Variants in GSG1L observed in about 807,000 individuals in gnomAD.
The protein encoded by GSG1L is GSG1 like, also known as germ cell-specific gene 1-like protein.
In GSG1L, 24 loss-of-function variants were observed where a neutral mutation model predicts 42.1. The ratio of observed to expected loss-of-function variants is 0.57; its 90% CI spans 0.41 to 0.80. The LOEUF (loss-of-function observed/expected upper bound fraction) is 0.80. Ranked by LOEUF, GSG1L falls within the 30% of genes least tolerant of loss-of-function variation. The probability of loss-of-function intolerance (pLI) is 0.00; values close to 1 mark genes in which losing one functional copy is unlikely to be tolerated. For synonymous variants in GSG1L, 215 were observed against 203.5 expected (o/e 1.06, Z -0.48); for missense variants, 445 against 472.2 (o/e 0.94, Z 0.53).
At chr16:27,986,098 C>A (rs928559216) in intron 1 of GSG1L, among the ~76,000 whole-genome samples, 7 of 152,150 alleles carry the variant, frequency 4.6e-5, no homozygotes, top group African/African-American at 1.7e-4. Context: ...TGTGCCATGG[C>A]TGACAAGTCA....
At chr16:27,901,210 G>A (rs965404240) in intron 2 of GSG1L, among the ~76,000 whole-genome samples, 4 of 152,148 alleles carry the variant, frequency 2.6e-5, no homozygotes, top group Non-Finnish European at 5.9e-5. Context: ...TCTAGTGCAC[G>A]TCTAATAACT....
intron 2 of GSG1L, among the ~76,000 whole-genome samples, chr16:27,929,332 G>A (rs1013616792): frequency 2.0e-5 from 3 of 152,142 alleles, no homozygotes; most frequent in Non-Finnish European, 4.4e-5. Flanking sequence ...CCCGGGGATG[G>A]TCACACAACC....
chr16:27,873,874 T>C (rs1029853266), intron 3 of GSG1L, among the ~76,000 whole-genome samples: 1 of 152,140 alleles, frequency 6.6e-6, no homozygotes, highest in Admixed American at 6.5e-5. Flanking sequence ...CTGTAGCATC[T>C]AAAACACACA....
chr16:28,054,644 T>A (rs1384641546), intron 1 of GSG1L, among the ~76,000 whole-genome samples: 4 of 150,914 alleles, frequency 2.7e-5, no homozygotes, highest in Non-Finnish European at 4.4e-5. Flanking sequence ...ATAATAATAA[T>A]AAAATAAAAT....
At chr16:27,845,389 A>G (rs959838048) in intron 3 of GSG1L, among the ~76,000 whole-genome samples, 5 of 152,028 alleles carry the variant, frequency 3.3e-5, no homozygotes, top group African/African-American at 1.2e-4. Context: ...CCACTATGAC[A>G]GGCCAATTTT....
At chr16:27,814,616 C>T (rs972181200) in intron 5 of GSG1L, among the ~76,000 whole-genome samples, 16 of 142,084 alleles carry the variant, frequency 1.1e-4, no homozygotes, top group Admixed American at 3.0e-4. Flanking sequence ...ACCCAGGAGG[C>T]GGAGGTTGCA....
At chr16:27,864,055 A>G (rs1320739614) in intron 3 of GSG1L, among the ~76,000 whole-genome samples, 1 of 152,232 alleles carries the variant, frequency 6.6e-6, no homozygotes, top group Non-Finnish European at 1.5e-5. Context: ...ATTCTCTGGC[A>G]GATTCCCTCC....
intron 3 of GSG1L, among the ~76,000 whole-genome samples, chr16:27,874,750 G>C (rs1741005894): frequency 6.6e-6 from 1 of 152,134 alleles, no homozygotes; most frequent in Non-Finnish European, 1.5e-5. Flanking sequence ...CCTTTGTCTG[G>C]TCTTGATCTG....
At chr16:27,791,536 C>T in intron 6 of GSG1L, 69 bp from the exon 7 acceptor site, 2 of 1,015,598 alleles carry the variant, frequency 2.0e-6, no homozygotes, top group Non-Finnish European at 2.7e-6. Context: ...TACCCACCGC[C>T]CCCCACCCAC....
In GSG1L at chr16:27,902,566, A is replaced by AG. The variant is rs1008554192; in HGVS notation, c.398-17929dup. ...CAAGCTTCAGAGCAAGGGGAGGGAG[A>AG]GGGGGGGCCGCTGGTGCAGGAGGCT... On this transcript the variant is annotated intron_variant, in intron 2 of 6. Transcript: ENST00000447459. Among the ~76,000 whole-genome samples, 35 of 148,934 alleles carry AG rather than the reference A, an allele frequency of 2.4e-4. No homozygotes were observed. The East Asian group carries it at 5.8e-3, about 25-fold the overall frequency.
rs896520876 is a variant in GSG1L, at chr16:27,884,092, A to T, written c.550+394T>A. 2.0e-5 allele frequency among the ~76,000 whole-genome samples: 3 copies of T among 152,150 alleles called. No homozygotes were observed. Among genetic ancestry groups the T allele is most frequent in the African/African-American group, 7.2e-5 (3 of 41,432 alleles). ...CACCCCAAAGTGGCTTCTCTTTTAC[A>T]TCCCAGGGAAAGGCGGCACAGTCAG... is the stretch of plus-strand genomic sequence containing the variant. On this transcript the variant is annotated intron_variant, in intron 3 of 6. Transcript: ENST00000447459. This position sits in a 1 kb window ranked among gnomAD's most constrained non-coding sequence, Gnocchi z 4.4.
At chr16:28,043,250 G>A (rs1180125348) in intron 1 of GSG1L, among the ~76,000 whole-genome samples, 3 of 152,164 alleles carry the variant, frequency 2.0e-5, no homozygotes, top group Non-Finnish European at 4.4e-5. Flanking sequence ...AAGCCAGGCT[G>A]GAACCCAGAG....
intron 4 of GSG1L, among the ~76,000 whole-genome samples, chr16:27,841,319 C>T (rs977643685): frequency 7.9e-5 from 12 of 152,150 alleles, no homozygotes; most frequent in Non-Finnish European, 1.6e-4. Context: ...CAGTGTATGT[C>T]GGGGTGAGAT....
At chr16:27,948,344 G>C (rs1481102390) in intron 2 of GSG1L, among the ~76,000 whole-genome samples, 1 of 139,464 alleles carries the variant, frequency 7.2e-6, no homozygotes, top group Non-Finnish European at 1.5e-5. Context: ...TGCTAAAACA[G>C]AAATAAGGTT....
chr16:27,973,796 C>T lies in GSG1L; in HGVS notation c.350-10593G>A, dbSNP rs1053189974. ...CTACAGTGCATATTATAGGGTAGGT[C>T]GGCAGGGCTTGTTGTCAACCACCAG... On this transcript the variant is annotated intron_variant, in intron 1 of 6. Coordinates refer to ENST00000447459, the MANE Select transcript of GSG1L (RefSeq NM_001109763.2). Among the ~76,000 whole-genome samples, 38 of 152,254 alleles carry T rather than the reference C, an allele frequency of 2.5e-4. 1 individual carries two copies. Among genetic ancestry groups the T allele is most frequent in the African/African-American group, 7.9e-4 (33 of 41,562 alleles).
chr16:27,875,719 T>C (rs2083879838), intron 3 of GSG1L, among the ~76,000 whole-genome samples: 1 of 152,168 alleles, frequency 6.6e-6, no homozygotes, highest in African/African-American at 2.4e-5. Flanking sequence ...TCCTCTGGCA[T>C]GGTAATTTGT....
chr16:28,047,119 C>T (rs550375810), intron 1 of GSG1L, among the ~76,000 whole-genome samples: 8 of 152,160 alleles, frequency 5.3e-5, no homozygotes, highest in East Asian at 3.9e-4. Flanking sequence ...TGAATAAAAA[C>T]GGGGAAAGTT....
At chr16:27,791,799 C>A (rs149538354) in intron 6 of GSG1L, among the ~76,000 whole-genome samples, 34 of 152,202 alleles carry the variant, frequency 2.2e-4, no homozygotes, top group African/African-American at 7.7e-4. Flanking sequence ...CCCGCTCATG[C>A]ACCTCACACC....
chr16:27,887,311 G>A (rs1173900974), intron 2 of GSG1L, among the ~76,000 whole-genome samples: 2 of 152,138 alleles, frequency 1.3e-5, no homozygotes, highest in African/African-American at 2.4e-5. Flanking sequence ...AGATGGAATT[G>A]ACTGAATCAC....
Sources: gnomAD v4.1 joint callset for allele counts (sites outside exome capture counted in the v4.1 genomes callset) on GRCh38, gnomAD v4.1.1 for gene constraint, Gnocchi (gnomAD v3.1) non-coding constraint, MANE v1.5 for transcripts, NCBI Gene and HGNC (gene_info 2026-07-23, HGNC 2026-07-21) for gene names.